Variants in SHMT1 observed in about 807,000 individuals in gnomAD.
The protein encoded by SHMT1 is serine hydroxymethyltransferase 1.
A neutral mutation model predicts 49.0 loss-of-function variants in SHMT1; 45 were observed. The observed-to-expected ratio is 0.92, with a 90% CI of 0.72 to 1.18. SHMT1 has a LOEUF of 1.18. Ranked by LOEUF, SHMT1 falls within the 50% of genes most tolerant of loss-of-function variation. SHMT1 has a pLI of 0.00. For synonymous variants in SHMT1, 232 were observed against 246.6 expected, an observed-to-expected ratio of 0.94 and a Z score of 0.55; for missense variants, 541 against 612.4, an observed-to-expected ratio of 0.88 and a Z score of 1.23.
At chr17:18,337,147 C>T (rs1390795390) in intron 7 of SHMT1, among the ~76,000 whole-genome samples, 2 of 152,166 alleles carry the variant, frequency 1.3e-5, no homozygotes, top group Non-Finnish European at 2.9e-5. Context: ...ATTTAATCCT[C>T]AAAACAGCAG....
chr17:18,348,855 A>G (rs1158971294), intron 3 of SHMT1, among the ~76,000 whole-genome samples: 1 of 151,770 alleles, frequency 6.6e-6, no homozygotes, highest in Non-Finnish European at 1.5e-5. Context: ...GTGTGTGCCC[A>G]TAGTCCCAGC....
chr17:18,358,069 G>A (rs1370852349), intron 1 of SHMT1, among the ~76,000 whole-genome samples: 5 of 145,714 alleles, frequency 3.4e-5, no homozygotes, highest in Admixed American at 6.8e-5. Flanking sequence ...GGGTTTCACC[G>A]GTTAGCCAGG....
At chr17:18,350,087 C>A (rs549026775) in intron 3 of SHMT1, among the ~76,000 whole-genome samples, 29 of 151,344 alleles carry the variant, frequency 1.9e-4, no homozygotes, top group Non-Finnish European at 3.7e-4. Flanking sequence ...CCAGCACTTT[C>A]GGAGGCCGAG....
In SHMT1 at chr17:18,348,876, G is replaced by A. The variant is rs368259315; in HGVS notation, c.243-436C>T. ...GCCCATAGTCCCAGCTACTTGGGAG[G>A]CTGAGAAGGGAAGATTCACTTTGGC... is the stretch of plus-strand genomic sequence containing the variant. On this transcript the variant is annotated intron_variant, in intron 3 of 11. Transcript: ENST00000316694. 7.9e-5 allele frequency among the ~76,000 whole-genome samples: 12 copies of A among 151,902 alleles called. No individual in the cohort carries two copies. In the East Asian group the frequency reaches 1.4e-3, roughly 17 times the overall value.
chr17:18,339,552 C>CCTTT (rs1330363321), intron 7 of SHMT1, among the ~76,000 whole-genome samples: 1 of 151,652 alleles, frequency 6.6e-6, no homozygotes, highest in East Asian at 1.9e-4. Flanking sequence ...TCTGGGGATT[C>CCTTT]CTTTCTTTCT....
intron 1 of SHMT1, among the ~76,000 whole-genome samples, chr17:18,359,056 C>A (rs574981307): frequency 6.6e-6 from 1 of 151,248 alleles, no homozygotes. Context: ...AAGTTCGAGA[C>A]CAGCCTGGCC....
In SHMT1 at chr17:18,347,532, A is replaced by G; in HGVS notation, c.483T>C (p.Ser161=). 1 of 1,614,220 alleles carries G rather than the reference A, an allele frequency of 6.2e-7. No homozygotes were observed. The highest frequency in any genetic ancestry group is 8.5e-7 in the Non-Finnish European group (1 of 1,180,046). ...TAGATTCAAAGAAGATGGACGTGGC[A>G]GAGATTTTCTTCTTGTCTGTCATGA... ...HGFMTDKKKI[S]ATSIFFESMP... The change falls in exon 5 of 12, where the codon TCT becomes TCC. Residue 161 remains serine, a synonymous_variant. Transcript: ENST00000316694.
chr17:18,358,133 G>C (rs1418081793), intron 1 of SHMT1, among the ~76,000 whole-genome samples: 1 of 129,058 alleles, frequency 7.7e-6, no homozygotes, highest in Non-Finnish European at 1.6e-5. Flanking sequence ...ACCGCGCCCA[G>C]CCTGGGCTAG....
In SHMT1 at chr17:18,340,029, A is replaced by G; in HGVS notation, c.814+14T>C. 6.2e-7 allele frequency: 1 copy of G among 1,611,984 alleles called. No individual in the cohort carries two copies. The highest frequency in any genetic ancestry group is 8.5e-7 in the Non-Finnish European group (1 of 1,179,758). On this transcript the variant is annotated intron_variant, in intron 7 of 11. Coordinates refer to ENST00000316694, the MANE Select transcript of SHMT1 (RefSeq NM_004169.5). The surrounding 1 kb of genome is among the most constrained non-coding windows in gnomAD (Gnocchi z 4.5). ...ACCATGGTACCCATCTGTACCCAAC[A>G]TTCGGGAGCTCACCTTTCCTGTAGA...
chr17:18,333,071 G>C, intron 9 of SHMT1, 95 bp downstream of exon 9: 1 of 1,482,230 alleles, frequency 6.7e-7, no homozygotes, highest in Non-Finnish European at 9.4e-7. Flanking sequence ...AGCTGCAGCA[G>C]CAGAGCCTGG....
intron 8 of SHMT1, 117 bp downstream of exon 8, chr17:18,335,442 C>T (rs913146787): frequency 1.4e-5 from 11 of 759,328 alleles, no homozygotes; most frequent in Non-Finnish European, 2.4e-5. Flanking sequence ...GCATCTCCTG[C>T]ACAGAGACAG....
intron 4 of SHMT1, 132 bp downstream of exon 4, chr17:18,348,193 T>A (rs1985298598): frequency 5.5e-6 from 4 of 721,362 alleles, no homozygotes; most frequent in Non-Finnish European, 9.9e-6. Flanking sequence ...GTGCTGGGAT[T>A]ACAGGCGTGA....
chr17:18,336,113 CTA>C (rs1413968706), intron 7 of SHMT1, among the ~76,000 whole-genome samples: 3 of 151,856 alleles, frequency 2.0e-5, no homozygotes, highest in Admixed American at 6.6e-5. Context: ...CCCGTCTCTA[CTA>C]AAAATACAAA....
At chr17:18,337,805 C>T (rs1464778765) in intron 7 of SHMT1, among the ~76,000 whole-genome samples, 3 of 152,244 alleles carry the variant, frequency 2.0e-5, no homozygotes, top group Non-Finnish European at 2.9e-5. Context: ...AGCTCCTAAC[C>T]GCGAGTCATC....
rs1382771128 is a variant in SHMT1 at position 18,327,932 on chromosome 17, G to T, written c.*818C>A. 1 of 152,572 alleles carries T rather than the reference G, an allele frequency of 6.6e-6. No individual in the cohort carries two copies. The highest frequency in any genetic ancestry group is 1.5e-5 in the Non-Finnish European group (1 of 68,024). The allele number at this position is 152,572 out of a possible 1,614,324, so 9.5% of individuals were successfully genotyped here. On this transcript the variant is annotated 3_prime_UTR_variant, in exon 12 of 12. Transcript: ENST00000316694. ...TATTTTTGAAATATAAAAATTGGTTGTATTTTTTAAAGCTATAATTCTTGT... is the reference window on the plus strand; with the variant it reads ...TATTTTTGAAATATAAAAATTGGTTTTATTTTTTAAAGCTATAATTCTTGT...
Position 18,340,526 on chromosome 17 carries a change from C to G in SHMT1, c.601+206G>C. On this transcript the variant is annotated intron_variant, in intron 6 of 11. Transcript: ENST00000316694. This position sits in a 1 kb window ranked among gnomAD's most constrained non-coding sequence, Gnocchi z 4.5. ...TTCTAGATGCTTCTCTGAGAACAGT[C>G]TCACATCTTAATCTACATAGCACAA... 3 of 686,516 alleles carry G rather than the reference C, an allele frequency of 4.4e-6. No homozygotes were observed. The highest frequency in any genetic ancestry group is 7.9e-6 in the Non-Finnish European group (3 of 382,052). The allele number at this position is 686,516 out of a possible 1,614,324, so 42.5% of individuals were successfully genotyped here.
Position 18,340,649 on chromosome 17 carries a change from G to T in SHMT1, c.601+83C>A. On this transcript the variant is annotated intron_variant, in intron 6 of 11. Coordinates refer to ENST00000316694, the MANE Select transcript of SHMT1 (RefSeq NM_004169.5). The surrounding 1 kb of genome is among the most constrained non-coding windows in gnomAD (Gnocchi z 4.5). ...GCAGAAACTAGCAGTGGGCTCAACAGGGTGCGAACATCTTTCCATCCTCAT... is the reference window on the plus strand; with the variant it reads ...GCAGAAACTAGCAGTGGGCTCAACATGGTGCGAACATCTTTCCATCCTCAT... 1 of 1,213,664 alleles carries T rather than the reference G, an allele frequency of 8.2e-7. No homozygotes were observed. The allele number at this position is 1,213,664 out of a possible 1,614,324, so 75.2% of individuals were successfully genotyped here.
Position 18,328,268 on chromosome 17 carries a change from G to A in SHMT1, c.*482C>T, listed in dbSNP as rs1982777887. On this transcript the variant is annotated 3_prime_UTR_variant, in exon 12 of 12. Transcript: ENST00000316694. ...GACTAACATACACTTCTGATTTACA[G>A]CAGAAGCCTCAGAAGCTAATTCAGT... 1 of 192,992 alleles carries A rather than the reference G, an allele frequency of 5.2e-6. No homozygotes were observed. The highest frequency in any genetic ancestry group is 2.4e-5 in the African/African-American group (1 of 42,346). The allele number at this position is 192,992 out of a possible 1,614,324, so 12.0% of individuals were successfully genotyped here. A position where few individuals can be genotyped will look rare whatever the true frequency, so the allele number is the denominator to read the frequency against.
In SHMT1 at chr17:18,340,325, C is replaced by T. The variant is rs996487345; in HGVS notation, c.602-70G>A. On this transcript the variant is annotated intron_variant, in intron 6 of 11. Transcript: ENST00000316694. This position sits in a 1 kb window ranked among gnomAD's most constrained non-coding sequence, Gnocchi z 4.5. ...GCCAGCTGAGTTGGCTTCACAGTGG[C>T]CTCTAGATGTGCAGATCTGAAAGCC... 2.9e-5 allele frequency: 42 copies of T among 1,469,518 alleles called. 1 individual carries two copies. In the East Asian group the frequency reaches 9.3e-4, roughly 33 times the overall value. The allele number at this position is 1,469,518 out of a possible 1,614,324, so 91.0% of individuals were successfully genotyped here.
Sources: gnomAD v4.1 joint callset for allele counts (sites outside exome capture counted in the v4.1 genomes callset) on GRCh38, gnomAD v4.1.1 for gene constraint, Gnocchi (gnomAD v3.1) non-coding constraint, MANE v1.5 for transcripts, NCBI Gene and HGNC (gene_info 2026-07-23, HGNC 2026-07-21) for gene names.